Variants in COL5A2 observed in about 807,000 individuals in gnomAD.
COL5A2 encodes collagen type V alpha 2 chain.
A neutral mutation model predicts 208.2 loss-of-function variants in COL5A2; 23 were observed. The ratio of observed to expected loss-of-function variants is 0.11; its 90% CI spans 0.08 to 0.16. COL5A2 has a LOEUF of 0.16. Ranked by LOEUF, COL5A2 falls within the 10% of genes least tolerant of loss-of-function variation. The pLI is 1.00. For missense variants in COL5A2, 1,590 were observed against 1,956.4 expected (o/e 0.81, Z 3.53); for synonymous variants, 625 against 628.5 (o/e 0.99, Z 0.08).
At chr2:189,162,996 A>G (rs935216866) in intron 1 of COL5A2, among the ~76,000 whole-genome samples, 5 of 152,172 alleles carry the variant, frequency 3.3e-5, no homozygotes, top group African/African-American at 1.2e-4. Context: ...ACACTTATGT[A>G]TCTCCCATCA....
intron 1 of COL5A2, among the ~76,000 whole-genome samples, chr2:189,156,032 C>G (rs541239797): frequency 6.6e-6 from 1 of 152,244 alleles, no homozygotes; most frequent in East Asian, 1.9e-4. Context: ...CCGCCTCTTT[C>G]TTTTTTTAGA....
the COL5A2 span, among the ~76,000 whole-genome samples, chr2:189,402,569 T>C: frequency 6.6e-6 from 1 of 152,222 alleles, no homozygotes; most frequent in African/African-American, 2.4e-5. Context: ...CATTAACTTT[T>C]GTATATGGTA....
rs189048126 is a variant in COL5A2, at chr2:189,077,521, C to A, written c.1059+995G>T. ...GGAAGAGCAATAGCCAATGCTGGGG[C>A]AGAAATGTCAGACCTCCCTTGGCAG... is the stretch of plus-strand genomic sequence containing the variant. On this transcript the variant is annotated intron_variant, in intron 16 of 53. Coordinates refer to ENST00000374866, the MANE Select transcript of COL5A2 (RefSeq NM_000393.5). Among the ~76,000 whole-genome samples, 4 of 152,260 alleles carry A rather than the reference C, an allele frequency of 2.6e-5. No individual in the cohort carries two copies. In the East Asian group the frequency reaches 7.7e-4, roughly 29 times the overall value.
rs58082189 is a variant in COL5A2, at chr2:189,116,353, T to C, written c.98-5904A>G. On this transcript the variant is annotated intron_variant, in intron 1 of 53. Coordinates refer to ENST00000374866, the MANE Select transcript of COL5A2 (RefSeq NM_000393.5). ...AAGGAAATCCTTCCCTTCCTTCTGCTCTAGGGCACTGTTTATCATTAGAAG... is the reference window on the plus strand; with the variant it reads ...AAGGAAATCCTTCCCTTCCTTCTGCCCTAGGGCACTGTTTATCATTAGAAG... Among the ~76,000 whole-genome samples, 1,242 of 152,274 alleles carry C rather than the reference T, an allele frequency of 8.2e-3. 17 individuals are homozygous for C. Among genetic ancestry groups the C allele is most frequent in the African/African-American group, 0.029 (1,187 of 41,542 alleles).
At chr2:189,312,146 C>T in the COL5A2 span, among the ~76,000 whole-genome samples, 1 of 152,172 alleles carries the variant, frequency 6.6e-6, no homozygotes, top group Admixed American at 6.5e-5. Flanking sequence ...CCTCGATGGT[C>T]TTGAAGTAAT....
At chr2:189,416,618 G>A in the COL5A2 span, among the ~76,000 whole-genome samples, 3 of 152,138 alleles carry the variant, frequency 2.0e-5, no homozygotes, top group African/African-American at 4.8e-5. Context: ...GCTAAATGAC[G>A]AGTTAATGGG....
chr2:189,059,585 G>GTTTTTTTTTTTTTTTGTTTTTT (rs1685979794), intron 31 of COL5A2, among the ~76,000 whole-genome samples: 1 of 28,594 alleles, frequency 3.5e-5, no homozygotes, highest in Non-Finnish European at 7.4e-5. Flanking sequence ...TTCTTTTCTG[G>GTTTTTTTTTTTTTTTGTTTTTT]TTTTTTTTTT....
intron 1 of COL5A2, among the ~76,000 whole-genome samples, chr2:189,163,682 T>C (rs1407718416): frequency 6.6e-6 from 1 of 152,244 alleles, no homozygotes; most frequent in African/African-American, 2.4e-5. Context: ...TGCTTCGAGT[T>C]ACCAAAATGT....
At chr2:189,167,528 G>C (rs1040526572) in intron 1 of COL5A2, among the ~76,000 whole-genome samples, 1 of 152,100 alleles carries the variant, frequency 6.6e-6, no homozygotes, top group Non-Finnish European at 1.5e-5. Flanking sequence ...CCTATGAGTT[G>C]TGTCTAAGCA....
chr2:189,257,398 T>C, the COL5A2 span, among the ~76,000 whole-genome samples: 12 of 152,218 alleles, frequency 7.9e-5, no homozygotes. Flanking sequence ...TCAAGGTGCA[T>C]GGATCTCCTC....
chr2:189,075,479 T>G, intron 16 of COL5A2, 42 bp from the exon 17 acceptor site: 1 of 1,491,952 alleles, frequency 6.7e-7, no homozygotes, highest in Non-Finnish European at 9.3e-7. Flanking sequence ...AAGATTACAT[T>G]TTAGACTATA....
intron 7 of COL5A2, among the ~76,000 whole-genome samples, 169 bp from the exon 8 acceptor site, chr2:189,088,941 G>A (rs1026507606): frequency 1.3e-5 from 2 of 152,114 alleles, no homozygotes; most frequent in Admixed American, 6.5e-5. Context: ...TGCTTTGATT[G>A]TTTGTGCTTT....
At chr2:189,184,892 A>G (rs1688829492) in intron 1 of COL5A2, among the ~76,000 whole-genome samples, 1 of 152,354 alleles carries the variant, frequency 6.6e-6, no homozygotes, top group Non-Finnish European at 1.5e-5. Context: ...TATGGCTAGC[A>G]TGATATAAGA....
intron 1 of COL5A2, among the ~76,000 whole-genome samples, chr2:189,153,486 A>G (rs554306119): frequency 4.6e-5 from 7 of 152,276 alleles, no homozygotes; most frequent in African/African-American, 1.7e-4. Context: ...ACTAACCCAT[A>G]ATATCTAACA....
At chr2:189,389,651 A>T in the COL5A2 span, among the ~76,000 whole-genome samples, 1 of 152,180 alleles carries the variant, frequency 6.6e-6, no homozygotes, top group East Asian at 1.9e-4. Flanking sequence ...TCTGTAAAGG[A>T]GTTGTGACAT....
chr2:189,265,404 T>C, the COL5A2 span, among the ~76,000 whole-genome samples: 2 of 152,110 alleles, frequency 1.3e-5, no homozygotes, highest in African/African-American at 4.8e-5. Flanking sequence ...ACCAACCCTT[T>C]GTGTTCTTAA....
At position 189,061,696 on chromosome 2, in the gene COL5A2, T is replaced by C. The variant is rs546999944; in HGVS notation, c.1978-81A>G. 6 of 1,013,352 alleles carry C rather than the reference T, an allele frequency of 5.9e-6. No individual in the cohort carries two copies. In the African/African-American group the frequency reaches 9.6e-5, roughly 16 times the overall value. The allele number at this position is 1,013,352 out of a possible 1,614,324, so 62.8% of individuals were successfully genotyped here. A position where few individuals can be genotyped will look rare whatever the true frequency, so the allele number is the denominator to read the frequency against. ...TCTCTACGTGAACCACTAGAAGTAC[T>C]GATATTTATTTGTATTTCTTCCAAT... is the stretch of plus-strand genomic sequence containing the variant. On this transcript the variant is annotated intron_variant, in intron 29 of 53. Coordinates refer to ENST00000374866, the MANE Select transcript of COL5A2 (RefSeq NM_000393.5).
At chr2:189,438,368 T>C in the COL5A2 span, among the ~76,000 whole-genome samples, 2 of 152,208 alleles carry the variant, frequency 1.3e-5, no homozygotes, top group African/African-American at 4.8e-5. Context: ...CTGGTATTTA[T>C]CCTAGAAAAA....
At chr2:189,232,954 G>A in the COL5A2 span, among the ~76,000 whole-genome samples, 3 of 151,748 alleles carry the variant, frequency 2.0e-5, no homozygotes, top group Admixed American at 6.6e-5. Flanking sequence ...AATGCTTTCT[G>A]CTGAGTGACT....
Sources: gnomAD v4.1 joint callset for allele counts (sites outside exome capture counted in the v4.1 genomes callset) on GRCh38, gnomAD v4.1.1 for gene constraint, MANE v1.5 for transcripts, NCBI Gene and HGNC (gene_info 2026-07-23, HGNC 2026-07-21) for gene names.